Variants in PPRC1 observed in about 807,000 individuals in gnomAD.
PPRC1 encodes peroxisome proliferator-activated receptor gamma coactivator-related protein 1.
In PPRC1, 23 loss-of-function variants were observed where a neutral mutation model predicts 132.5. The observed-to-expected ratio is 0.17, with a 90% CI of 0.12 to 0.25. The LOEUF (loss-of-function observed/expected upper bound fraction) is 0.25, where lower values mean the gene tolerates loss of function less well. Ranked by LOEUF, PPRC1 falls within the 10% of genes least tolerant of loss-of-function variation. PPRC1 has a pLI of 1.00. For missense variants in PPRC1, 2,006 were observed against 2,089.1 expected, an observed-to-expected ratio of 0.96 and a Z score of 0.78; for synonymous variants, 872 against 833.5, an observed-to-expected ratio of 1.05 and a Z score of -0.80.
chr10:102,138,080 T>G, intron 2 of PPRC1, 42 bp downstream of exon 2: 1 of 1,585,810 alleles, frequency 6.3e-7, no homozygotes, highest in Non-Finnish European at 8.6e-7. Flanking sequence ...GCAGGAGGTT[T>G]ACATGGGAGG....
chr10:102,128,023 G>T (rs2068490034), upstream of PPRC1, among the ~76,000 whole-genome samples: 1 of 152,260 alleles, frequency 6.6e-6, no homozygotes, highest in South Asian at 2.1e-4. Flanking sequence ...CAGTCAAATG[G>T]CCAGCCAGGA....
In PPRC1 at chr10:102,140,531, C is replaced by G; in HGVS notation, c.2023C>G (p.Pro675Ala). 2 of 1,614,112 alleles carry G rather than the reference C, an allele frequency of 1.2e-6. No individual in the cohort carries two copies. Among genetic ancestry groups the G allele is most frequent in the Non-Finnish European group, 1.7e-6 (2 of 1,180,020 alleles). ...TGATCTAGCACTGGTTGACCCTGTT[C>G]CTAATGACCTGACTCCAGTTGACCC... ...PVDLALVDPV[P>A]NDLTPVDPVL... Residue 675 changes from proline (P) to alanine (A), a missense_variant, in exon 5 of 14, where the codon CCT becomes GCT. By Grantham distance (27) the Pro-to-Ala change is conservative. This residue lies in a region of PPRC1 where 1,914 missense variants were observed against 1,917.2 expected (regional missense o/e 1.00). Transcript: ENST00000278070.
At position 102,144,265 on chromosome 10, in the gene PPRC1, C is replaced by T; in HGVS notation, c.3566C>T (p.Pro1189Leu). The T allele has an allele frequency of 6.2e-7, 1 of 1,614,134 alleles. No homozygotes were observed. Among genetic ancestry groups the T allele is most frequent in the Non-Finnish European group, 8.5e-7 (1 of 1,180,010 alleles). Reference sequence around the variant, plus strand: ...TTCTTTGCAGCCAAAAAGGAGTGTCCTCCTCCGGCTCCTGCTGACAGCTTG... The same window carrying T: ...TTCTTTGCAGCCAAAAAGGAGTGTCTTCCTCCGGCTCCTGCTGACAGCTTG... ...FEKSEAKKEC[P>L]PPAPADSLAV... The change falls in exon 7 of 14, where the codon CCT (proline) becomes CTT (leucine). Residue 1189 changes from proline (P) to leucine (L), a missense_variant. Pro to Leu is a moderately conservative substitution (Grantham distance 98). Transcript: ENST00000278070.
At chr10:102,130,086 T>A (rs189602947), upstream of PPRC1, among the ~76,000 whole-genome samples, 1 of 152,322 alleles carries the variant, frequency 6.6e-6, no homozygotes, top group East Asian at 1.9e-4. Flanking sequence ...AAAGCCTTTT[T>A]GAGAAGACAA....
chr10:102,137,951 G>A lies in PPRC1; in HGVS notation c.255G>A (p.Leu85=). ...DKDLEMEELM[L]QDETLLGTMQ... is the part of the protein sequence containing the mutation. ...ACCTGGAAATGGAGGAGCTAATGCT[G>A]CAGGATGAGACACTGCTGGGGACCA... The change falls in exon 2 of 14, where the codon CTG becomes CTA. Residue 85 remains leucine (L), a synonymous_variant. Transcript: ENST00000278070. The A allele has an allele frequency of 6.2e-7, 1 of 1,614,152 alleles. No homozygotes were observed. The highest frequency in any genetic ancestry group is 8.5e-7 in the Non-Finnish European group (1 of 1,180,012).
intron 13 of PPRC1, 67 bp from the exon 14 acceptor site, chr10:102,149,859 G>A: frequency 8.2e-7 from 1 of 1,218,022 alleles, no homozygotes; most frequent in Non-Finnish European, 1.2e-6. Flanking sequence ...GAGATAGCTA[G>A]CCATTTGCAG....
the PPRC1 span, among the ~76,000 whole-genome samples, chr10:102,127,020 C>CATATAT: frequency 1.5e-4 from 13 of 87,924 alleles, no homozygotes; most frequent in African/African-American, 4.6e-4. Context: ...GGTTTTTTAT[C>CATATAT]ATATATATAT....
intron 1 of PPRC1, among the ~76,000 whole-genome samples, chr10:102,133,673 G>T (rs1236571160): frequency 6.6e-6 from 1 of 151,892 alleles, no homozygotes; most frequent in Non-Finnish European, 1.5e-5. Context: ...GTGGAGGGGG[G>T]CGCAGGCAGC....
rs2069450112 is a variant in PPRC1 at position 102,150,201 on chromosome 10, T to G, written c.*172T>G. 4 of 551,238 alleles carry G rather than the reference T, an allele frequency of 7.3e-6. No individual in the cohort carries two copies. The Admixed American group carries it at 1.3e-4, about 17-fold the overall frequency. The allele number at this position is 551,238 out of a possible 1,614,324, so 34.1% of individuals were successfully genotyped here. ...TCAGATTTTTTAAAAGGGGTATTTG[T>G]TTTTTTATAACAGGTATTGAAACAA... On this transcript the variant is annotated 3_prime_UTR_variant, in exon 14 of 14. Transcript: ENST00000278070.
Position 102,142,020 on chromosome 10 carries a change from T to G in PPRC1, c.3496+16T>G. 2 of 1,588,892 alleles carry G rather than the reference T, an allele frequency of 1.3e-6. No homozygotes were observed. The highest frequency in any genetic ancestry group is 1.7e-6 in the Non-Finnish European group (2 of 1,165,018). On this transcript the variant is annotated intron_variant, in intron 5 of 13. Transcript: ENST00000278070. ...AGTGAGATTGGTGAGTGACACACAG[T>G]TCCCCCATGTAGTCCCCAAGTTGGC...
In PPRC1 at chr10:102,141,438, G is replaced by A; in HGVS notation, c.2930G>A (p.Cys977Tyr). The A allele has an allele frequency of 2.5e-6, 4 of 1,613,864 alleles. No homozygotes were observed. Among genetic ancestry groups the A allele is most frequent in the Non-Finnish European group, 3.4e-6 (4 of 1,180,018 alleles). Reference sequence around the variant, plus strand: ...CCAGTCTCACCTTACAGTTCCACATGTACCTATGGGCCCTTGGGATGGGGC... The same window carrying A: ...CCAGTCTCACCTTACAGTTCCACATATACCTATGGGCCCTTGGGATGGGGC... ...PAPVSPYSST[C>Y]TYGPLGWGPG... Residue 977 changes from cysteine (C) to tyrosine (Y), a missense_variant, in exon 5 of 14, where the codon TGT becomes TAT. Physicochemically the swap from Cys to Tyr is radical, Grantham distance 194. This residue lies in a region of PPRC1 where 1,914 missense variants were observed against 1,917.2 expected (regional missense o/e 1.00). Coordinates refer to ENST00000278070, the MANE Select transcript of PPRC1 (RefSeq NM_015062.5).
Position 102,148,987 on chromosome 10 carries a change from A to T in PPRC1, c.4739+49A>T. 4 of 1,600,588 alleles carry T rather than the reference A, an allele frequency of 2.5e-6. No homozygotes were observed. Among genetic ancestry groups the T allele is most frequent in the Non-Finnish European group, 3.4e-6 (4 of 1,173,884 alleles). Reference sequence around the variant, plus strand: ...GATGTTCTTTCTATCCCATTCATCTACCTTGGTGTTTCTTTGTCTTGCCTC... The same window carrying T: ...GATGTTCTTTCTATCCCATTCATCTTCCTTGGTGTTTCTTTGTCTTGCCTC... On this transcript the variant is annotated intron_variant, in intron 12 of 13. Coordinates refer to ENST00000278070, the MANE Select transcript of PPRC1 (RefSeq NM_015062.5). The surrounding 1 kb of genome is among the most constrained non-coding windows in gnomAD (Gnocchi z 4.2).
chr10:102,136,507 A>C (rs1252242233), intron 1 of PPRC1, among the ~76,000 whole-genome samples: 3 of 152,104 alleles, frequency 2.0e-5, no homozygotes, highest in Non-Finnish European at 4.4e-5. Context: ...ACCTGCTGTC[A>C]ACTGGGGTCT....
At chr10:102,120,521 A>C in the PPRC1 span, 3 of 322,260 alleles carry the variant, frequency 9.3e-6, no homozygotes, top group Non-Finnish European at 1.3e-5. Flanking sequence ...CTTTATTAAT[A>C]TGCTAATTGT....
rs772899848 is a variant in PPRC1, at chr10:102,137,635, AT to A, written c.154-210del. Among the ~76,000 whole-genome samples, 196 of 151,726 alleles carry A rather than the reference AT, an allele frequency of 1.3e-3. 5 individuals are homozygous for A. The highest frequency in any genetic ancestry group is 4.1e-4 in the Non-Finnish European group (28 of 67,932). On this transcript the variant is annotated intron_variant, in intron 1 of 13. Coordinates refer to ENST00000278070, the MANE Select transcript of PPRC1 (RefSeq NM_015062.5). ...AGCTGTTTCTGGTTGGAGCCCAAAC[AT>A]TTTTCTGCCCCAGAAGGTCCCTGAA...
the PPRC1 span, chr10:102,120,238 TCGGCC>T: frequency 2.0e-6 from 2 of 982,414 alleles, no homozygotes; most frequent in Non-Finnish European, 2.4e-6. Context: ...CGGCCCGGCC[TCGGCC>T]CGGTGCGGGC....
chr10:102,140,116 C>T lies in PPRC1; in HGVS notation c.1608C>T (p.Ser536=). 6.2e-7 allele frequency: 1 copy of T among 1,614,232 alleles called. No individual in the cohort carries two copies. Among genetic ancestry groups the T allele is most frequent in the Non-Finnish European group, 8.5e-7 (1 of 1,180,034 alleles). ...RAWAAALENS[S]PKNLERSAGQ... ...GGGCAGCTGCCTTGGAGAATTCTAG[C>T]CCTAAGAACTTGGAGAGAAGTGCTG... The change falls in exon 5 of 14, where the codon AGC becomes AGT. Residue 536 remains serine (S), a synonymous_variant. Coordinates refer to ENST00000278070, the MANE Select transcript of PPRC1 (RefSeq NM_015062.5).
chr10:102,129,166 C>T (rs945005325), upstream of PPRC1, among the ~76,000 whole-genome samples: 2 of 151,792 alleles, frequency 1.3e-5, no homozygotes, highest in Middle Eastern at 3.4e-3. Context: ...CTCCTGACCT[C>T]GTGATCCGCC....
rs958404525 is a variant in PPRC1 at position 102,137,829 on chromosome 10, T to A, written c.154-21T>A. On this transcript the variant is annotated intron_variant, in intron 1 of 13. Coordinates refer to ENST00000278070, the MANE Select transcript of PPRC1 (RefSeq NM_015062.5). The stretch of plus-strand genomic sequence containing the variant: ...TGCTGCCAGAGAGCTCATACCCTTC[T>A]CACCTTCTTCTCTGCTCCAGGTGCT... The A allele has an allele frequency of 6.8e-6, 11 of 1,610,084 alleles. No homozygotes were observed. In the Admixed American group the frequency reaches 1.2e-4, roughly 17 times the overall value.
Sources: allele counts gnomAD v4.1 joint callset (sites outside exome capture counted in the v4.1 genomes callset), GRCh38; gene constraint gnomAD v4.1.1; regional missense constraint gnomAD v4.1.1; non-coding constraint Gnocchi (gnomAD v3.1); transcripts MANE v1.5; gene names NCBI Gene and HGNC (gene_info 2026-07-23, HGNC 2026-07-21).